Variants in MIPEP observed in about 807,000 individuals in gnomAD.
MIPEP encodes mitochondrial intermediate peptidase.
In MIPEP, 79 loss-of-function variants were observed where a neutral mutation model predicts 90.3. The ratio of observed to expected loss-of-function variants is 0.87; its 90% CI spans 0.73 to 1.05. MIPEP has a LOEUF of 1.05. Among genes scored for constraint, MIPEP ranks in the 50% least tolerant of loss-of-function variants. The pLI is 0.00. For synonymous variants in MIPEP, 334 were observed against 315.8 expected (o/e 1.06, Z -0.61); for missense variants, 940 against 905.6 (o/e 1.04, Z -0.49).
intron 1 of MIPEP, among the ~76,000 whole-genome samples, chr13:23,886,826 T>C (rs1871503535): frequency 7.0e-6 from 1 of 143,550 alleles, no homozygotes; most frequent in Admixed American, 7.1e-5. Context: ...TGAGATCATA[T>C]ATGTAAATAT....
chr13:23,840,131 C>T (rs551100018), intron 11 of MIPEP, among the ~76,000 whole-genome samples: 2 of 152,134 alleles, frequency 1.3e-5, no homozygotes, highest in Non-Finnish European at 2.9e-5. Context: ...TTTGAAAACA[C>T]CACAATGCAG....
intron 16 of MIPEP, among the ~76,000 whole-genome samples, chr13:23,782,923 G>C (rs919153245): frequency 6.6e-6 from 1 of 152,144 alleles, no homozygotes; most frequent in Non-Finnish European, 1.5e-5. Flanking sequence ...TTGAATCCCT[G>C]AATAGACCAA....
At chr13:23,849,343 T>G (rs865921968) in intron 10 of MIPEP, among the ~76,000 whole-genome samples, 1 of 152,374 alleles carries the variant, frequency 6.6e-6, no homozygotes, top group Middle Eastern at 3.4e-3. Flanking sequence ...TTTTGAGGAT[T>G]TGGCTTCAGT....
intron 14 of MIPEP, among the ~76,000 whole-genome samples, chr13:23,828,874 G>A (rs1017857729): frequency 2.6e-5 from 4 of 152,122 alleles, no homozygotes; most frequent in Non-Finnish European, 4.4e-5. Context: ...AGAACAAATC[G>A]AGGAAGGCCT....
At chr13:23,841,600 C>G in intron 10 of MIPEP, 112 bp from the exon 11 acceptor site, 1 of 1,179,692 alleles carries the variant, frequency 8.5e-7, no homozygotes, top group Non-Finnish European at 1.2e-6. Flanking sequence ...AAGAAGGATT[C>G]AAAACATAAA....
chr13:23,798,763 C>A (rs1952994511), intron 16 of MIPEP, among the ~76,000 whole-genome samples: 1 of 152,020 alleles, frequency 6.6e-6, no homozygotes, highest in Non-Finnish European at 1.5e-5. Context: ...ATGTAAGACA[C>A]CACTCTCCCC....
At chr13:23,826,003 C>T (rs747341897) in intron 14 of MIPEP, among the ~76,000 whole-genome samples, 9 of 151,892 alleles carry the variant, frequency 5.9e-5, no homozygotes, top group Non-Finnish European at 1.2e-4. Context: ...ATCAGGTTCT[C>T]TCAAAAATCA....
Position 23,780,802 on chromosome 13 carries a change from C to T in MIPEP, c.1849-20585G>A, listed in dbSNP as rs144011465. Among the ~76,000 whole-genome samples the T allele has an allele frequency of 2.2e-3, 330 of 152,044 alleles. 2 individuals carry two copies. Among genetic ancestry groups the T allele is most frequent in the African/African-American group, 7.2e-3 (298 of 41,468 alleles). ...AAACTACGGCACAAGAACTACGTGACGAATGCACAAGCTTCAGTAGCCCAT... is the reference window on the plus strand; with the variant it reads ...AAACTACGGCACAAGAACTACGTGATGAATGCACAAGCTTCAGTAGCCCAT... On this transcript the variant is annotated intron_variant, in intron 16 of 18. Transcript: ENST00000382172.
chr13:23,775,360 C>T (rs1433006256), intron 16 of MIPEP, among the ~76,000 whole-genome samples: 1 of 152,156 alleles, frequency 6.6e-6, no homozygotes, highest in Non-Finnish European at 1.5e-5. Context: ...CAGTCTTTCA[C>T]CCTGAGTATA....
At chr13:23,791,712 G>A (rs1952899606) in intron 16 of MIPEP, among the ~76,000 whole-genome samples, 1 of 150,920 alleles carries the variant, frequency 6.6e-6, no homozygotes, top group Non-Finnish European at 1.5e-5. Flanking sequence ...AGTCAGTCAA[G>A]CAAAAAAACA....
intron 18 of MIPEP, among the ~76,000 whole-genome samples, chr13:23,750,363 T>G (rs560195243): frequency 6.6e-6 from 1 of 152,220 alleles, no homozygotes; most frequent in Non-Finnish European, 1.5e-5. Flanking sequence ...CGTGTCTCCT[T>G]AGGCTCCTCT....
intron 5 of MIPEP, among the ~76,000 whole-genome samples, chr13:23,870,864 G>A (rs1248092276): frequency 6.6e-6 from 1 of 152,140 alleles, no homozygotes; most frequent in Admixed American, 6.5e-5. Flanking sequence ...CCTCCAGAAG[G>A]GGGAAGCACA....
chr13:23,843,756 G>A (rs1284584417), intron 10 of MIPEP, among the ~76,000 whole-genome samples: 1 of 152,216 alleles, frequency 6.6e-6, no homozygotes, highest in Admixed American at 6.5e-5. Context: ...AACTCTGACA[G>A]AGGGCAGTGG....
At position 23,841,479 on chromosome 13, in the gene MIPEP, A is replaced by C; in HGVS notation, c.1116T>G (p.Ile372Met). ...AAAACGGGCAATATAGGCTGGGCTC[A>C]ATATTATACCTAAGAGAAGGAAGAG... ...SGVIRAERYN[I>M]EPSLYCPFFS... The change falls in exon 11 of 19, where the codon ATT becomes ATG. Residue 372 changes from isoleucine to methionine, a missense_variant. Ile to Met is a conservative substitution (Grantham distance 10, BLOSUM62 1). Transcript: ENST00000382172. The C allele has an allele frequency of 6.2e-7, 1 of 1,607,142 alleles. No homozygotes were observed.
In MIPEP at chr13:23,792,091, T is replaced by G. The variant is rs562793973; in HGVS notation, c.1848+13859A>C. On this transcript the variant is annotated intron_variant, in intron 16 of 18. Coordinates refer to ENST00000382172, the MANE Select transcript of MIPEP (RefSeq NM_005932.4). ...CTCCCTCTCAATTCACCTTTTTTTT[T>G]GGTTCCTCCTCACTGTCCCCGCCTC... Among the ~76,000 whole-genome samples the G allele has an allele frequency of 5.2e-3, 794 of 152,288 alleles. 10 individuals are homozygous for G. Among genetic ancestry groups the G allele is most frequent in the African/African-American group, 0.018 (733 of 41,542 alleles).
intron 16 of MIPEP, among the ~76,000 whole-genome samples, chr13:23,800,834 T>C (rs1040186353): frequency 6.6e-6 from 1 of 152,202 alleles, no homozygotes; most frequent in Non-Finnish European, 1.5e-5. Context: ...TAGAGACTCA[T>C]AATGTTTGTT....
chr13:23,768,535 G>A (rs1053630528), intron 16 of MIPEP, among the ~76,000 whole-genome samples: 10 of 152,152 alleles, frequency 6.6e-5, no homozygotes, highest in Admixed American at 2.6e-4. Flanking sequence ...GGGTAACATG[G>A]TGATAACCCA....
At chr13:23,766,570 C>A (rs1952592820) in intron 16 of MIPEP, among the ~76,000 whole-genome samples, 1 of 149,968 alleles carries the variant, frequency 6.7e-6, no homozygotes, top group Admixed American at 6.7e-5. Context: ...CACATCCATG[C>A]TCTCTCTCTC....
chr13:23,808,266 T>G (rs970069449), intron 15 of MIPEP, among the ~76,000 whole-genome samples: 16 of 151,958 alleles, frequency 1.1e-4, no homozygotes, highest in Non-Finnish European at 2.4e-4. Context: ...GCCTGGCTAA[T>G]TTTTTTGTAT....
Sources: allele counts gnomAD v4.1 joint callset (sites outside exome capture counted in the v4.1 genomes callset), GRCh38; gene constraint gnomAD v4.1.1; transcripts MANE v1.5; gene names NCBI Gene and HGNC (gene_info 2026-07-23, HGNC 2026-07-21).